The following MOB1A variants were observed in gnomAD, a reference collection of about 807,000 sequenced individuals.
The protein encoded by MOB1A is MOB1 Mps One Binder homolog A.
Under a neutral mutation model 25.1 loss-of-function variants are expected in MOB1A, and 10 were observed. The observed-to-expected ratio is 0.40, with a 90% confidence interval of 0.25 to 0.68. The LOEUF is 0.68. Among genes scored for constraint, MOB1A ranks in the 30% least tolerant of loss-of-function variants. MOB1A has a pLI of 0.40. For synonymous variants in MOB1A, 81 were observed against 79.5 expected, an observed-to-expected ratio of 1.02 and a Z score of -0.10; for missense variants, 177 against 256.3, an observed-to-expected ratio of 0.69 and a Z score of 2.11.
chr2:74,174,128 G>A (rs1349547507), intron 1 of MOB1A, among the ~76,000 whole-genome samples: 35 of 151,016 alleles, frequency 2.3e-4, no homozygotes, highest in South Asian at 8.4e-4. Context: ...AAAATTAGCT[G>A]GGCGTGGTGG....
intron 2 of MOB1A, among the ~76,000 whole-genome samples, chr2:74,168,763 ACAAAACTCC>A (rs758877168): frequency 1.1e-4 from 17 of 152,386 alleles, no homozygotes; most frequent in Non-Finnish European, 2.2e-4. Context: ...GGAATTTTAT[ACAAAACTCC>A]CTCACTTATA....
intron 2 of MOB1A, 151 bp downstream of exon 2, chr2:74,172,435 G>C: frequency 1.3e-6 from 1 of 759,066 alleles, no homozygotes; most frequent in East Asian, 2.7e-5. Context: ...TCTGAAAAGA[G>C]CAACATAGCT....
At chr2:74,173,677 G>GGTA in intron 1 of MOB1A, among the ~76,000 whole-genome samples, 1 of 150,762 alleles carries the variant, frequency 6.6e-6, no homozygotes, top group Non-Finnish European at 1.5e-5. Flanking sequence ...CATGCCGGGC[G>GGTA]CGGTGGCTCA....
In MOB1A at chr2:74,154,968, T is replaced by G. The variant is rs1010401552; in HGVS notation, c.*1600A>C. The stretch of plus-strand genomic sequence containing the variant: ...TATATATTTAAGAATTTCTAGGAAA[T>G]GATTATTTAAAATGGAGTTTCTAAG... On this transcript the variant is annotated 3_prime_UTR_variant, in exon 6 of 6. Transcript: ENST00000396049. 1 of 152,206 alleles carries G rather than the reference T, an allele frequency of 6.6e-6. No individual in the cohort carries two copies. Among genetic ancestry groups the G allele is most frequent in the Non-Finnish European group, 1.5e-5 (1 of 68,040 alleles). The allele number at this position is 152,206 out of a possible 1,614,324, so 9.4% of individuals were successfully genotyped here.
chr2:74,178,878 A>C lies in MOB1A; in HGVS notation c.-204T>G. On this transcript the variant is annotated 5_prime_UTR_variant, in exon 1 of 6. Coordinates refer to ENST00000396049, the MANE Select transcript of MOB1A (RefSeq NM_018221.5). The stretch of plus-strand genomic sequence containing the variant: ...GCCTACCCCACCTCGCAGACCCGAA[A>C]TGCGGAACCAACAAAATCTCGCGAG... The C allele has an allele frequency of 2.7e-6, 1 of 371,072 alleles. No homozygotes were observed. Among genetic ancestry groups the C allele is most frequent in the East Asian group, 3.8e-5 (1 of 26,040 alleles). The allele number at this position is 371,072 out of a possible 1,614,324, so 23.0% of individuals were successfully genotyped here.
At chr2:74,159,453 T>C (rs1029038344) in intron 4 of MOB1A, among the ~76,000 whole-genome samples, 199 bp from the exon 5 acceptor site, 4 of 152,030 alleles carry the variant, frequency 2.6e-5, no homozygotes, top group Non-Finnish European at 5.9e-5. Context: ...GCCCAGCTAA[T>C]TTTTTGTATT....
rs748254224 is a variant in MOB1A at position 74,159,080 on chromosome 2, G to C, written c.573+11C>G. ...GTCACAGGACACAGAAATCAACATG[G>C]ATCAACTTACCTGAACAAAGAAAAT... On this transcript the variant is annotated intron_variant, in intron 5 of 5. Transcript: ENST00000396049. The C allele has an allele frequency of 1.9e-6, 3 of 1,612,908 alleles. No homozygotes were observed. The highest frequency in any genetic ancestry group is 3.4e-5 in the Admixed American group (2 of 59,602).
In MOB1A at chr2:74,152,678, T is replaced by C. The variant is rs1315333896; in HGVS notation, c.*3890A>G. ...TTTTTAGAAGTACAGTTAACTGACT[T>C]AGAAAAATAGATAAAGCCCCTAAGG... On this transcript the variant is annotated 3_prime_UTR_variant, in exon 6 of 6. Coordinates refer to ENST00000396049, the MANE Select transcript of MOB1A (RefSeq NM_018221.5). 1 of 152,192 alleles carries C rather than the reference T, an allele frequency of 6.6e-6. No homozygotes were observed. Among genetic ancestry groups the C allele is most frequent in the Non-Finnish European group, 1.5e-5 (1 of 68,032 alleles). 9.4% of individuals were successfully genotyped at this position (152,192 alleles called of 1,614,324 possible).
intron 2 of MOB1A, among the ~76,000 whole-genome samples, chr2:74,170,078 C>T (rs1322078451): frequency 6.6e-6 from 1 of 152,096 alleles, no homozygotes; most frequent in Non-Finnish European, 1.5e-5. Flanking sequence ...GGCTGAAGGT[C>T]AATAAATGAC....
intron 1 of MOB1A, chr2:74,173,065 G>C (rs2103739471): frequency 2.2e-6 from 1 of 452,424 alleles, no homozygotes; most frequent in South Asian, 1.6e-5. Context: ...GAACCTGGGA[G>C]GCAGAGGTTG....
At position 74,172,441 on chromosome 2, in the gene MOB1A, T is replaced by G. The variant is rs563480924; in HGVS notation, c.181+145A>C. On this transcript the variant is annotated intron_variant, in intron 2 of 5. Coordinates refer to ENST00000396049, the MANE Select transcript of MOB1A (RefSeq NM_018221.5). ...ACCTAGTACTCTGAAAAGAGCAACA[T>G]AGCTTTGGATGTATTTGTACTTAAT... 240 of 784,206 alleles carry G rather than the reference T, an allele frequency of 3.1e-4. 2 individuals carry two copies. In the South Asian group the frequency reaches 4.3e-3, roughly 14 times the overall value. 48.6% of individuals were successfully genotyped at this position (784,206 alleles called of 1,614,324 possible).
At chr2:74,176,083 T>TAC (rs58496712) in intron 1 of MOB1A, among the ~76,000 whole-genome samples, 10,882 of 129,082 alleles carry the variant, frequency 0.084, 551 homozygotes, top group Admixed American at 0.13. Context: ...CCGCCTCTAC[T>TAC]ACACACACAC....
intron 4 of MOB1A, among the ~76,000 whole-genome samples, chr2:74,159,841 G>A (rs138516651): frequency 3.2e-4 from 40 of 124,310 alleles, no homozygotes; most frequent in African/African-American, 1.1e-3. Context: ...CCCGGAGACT[G>A]AGCCTCACTC....
chr2:74,172,188 A>T (rs139015348), intron 2 of MOB1A, among the ~76,000 whole-genome samples: 95 of 152,266 alleles, frequency 6.2e-4, no homozygotes, highest in African/African-American at 2.2e-3. Context: ...TGTCCATATG[A>T]ACTGCAATTG....
chr2:74,170,659 C>CAGG (rs944384010), intron 2 of MOB1A, among the ~76,000 whole-genome samples: 5 of 144,988 alleles, frequency 3.4e-5, no homozygotes, highest in African/African-American at 1.3e-4. Flanking sequence ...CACCTGAACA[C>CAGG]AGGAGGAGGA....
chr2:74,160,400 G>T (rs1216949820), intron 4 of MOB1A, among the ~76,000 whole-genome samples: 1 of 152,094 alleles, frequency 6.6e-6, no homozygotes, highest in African/African-American at 2.4e-5. Flanking sequence ...AAAATAAAAA[G>T]GCAGCCGGGC....
intron 5 of MOB1A, 100 bp downstream of exon 5, chr2:74,158,991 G>A: frequency 9.0e-7 from 1 of 1,113,990 alleles, no homozygotes; most frequent in Non-Finnish European, 1.3e-6. Context: ...GCCTGTAATT[G>A]GCTCTACATC....
At chr2:74,173,596 G>A (rs1488546586) in intron 1 of MOB1A, among the ~76,000 whole-genome samples, 1 of 150,676 alleles carries the variant, frequency 6.6e-6, no homozygotes, top group Non-Finnish European at 1.5e-5. Flanking sequence ...TTGCCAGGCT[G>A]GTGTCGAACT....
At chr2:74,174,816 G>C in intron 1 of MOB1A, among the ~76,000 whole-genome samples, 1 of 152,162 alleles carries the variant, frequency 6.6e-6, no homozygotes, top group Admixed American at 6.5e-5. Flanking sequence ...AAGAATATAA[G>C]GAATCCTTTA....
Sources: gnomAD v4.1 joint callset for allele counts (sites outside exome capture counted in the v4.1 genomes callset) on GRCh38, gnomAD v4.1.1 for gene constraint, MANE v1.5 for transcripts, NCBI Gene and HGNC (gene_info 2026-07-23, HGNC 2026-07-21) for gene names.